The following LRMDA variants were observed in gnomAD, a reference collection of about 807,000 sequenced individuals.
LRMDA encodes leucine-rich melanocyte differentiation-associated protein.
A neutral mutation model predicts 29.8 loss-of-function variants in LRMDA; 18 were observed. The observed-to-expected ratio is 0.60, with a 90% CI of 0.42 to 0.90. The LOEUF (loss-of-function observed/expected upper bound fraction) is 0.90, where lower values mean the gene tolerates loss of function less well. LRMDA is among the 40% of genes least tolerant of loss of function. LRMDA has a pLI of 0.00. For missense variants in LRMDA, 273 were observed against 273.9 expected (o/e 1.00, Z 0.02); for synonymous variants, 125 against 109.4 (o/e 1.14, Z -0.89).
At chr10:75,577,616 A>AAATATTAAGGG (rs1384886676) in intron 2 of LRMDA, among the ~76,000 whole-genome samples, 1 of 152,194 alleles carries the variant, frequency 6.6e-6, no homozygotes, top group Admixed American at 6.5e-5. Context: ...ATGAAGGTAA[A>AAATATTAAGGG]AATATTAAGG....
At chr10:76,240,761 G>A (rs1232412596) in intron 5 of LRMDA, among the ~76,000 whole-genome samples, 1 of 117,398 alleles carries the variant, frequency 8.5e-6, no homozygotes, top group Non-Finnish European at 1.7e-5. Flanking sequence ...TAAAGAAAAT[G>A]TGAGATAGAT....
chr10:75,856,406 T>C (rs1174704489), intron 2 of LRMDA, among the ~76,000 whole-genome samples: 1 of 152,190 alleles, frequency 6.6e-6, no homozygotes, highest in Non-Finnish European at 1.5e-5. Context: ...CCAATATCCC[T>C]GATGAACATT....
At chr10:76,013,648 G>A (rs1338189353) in intron 2 of LRMDA, among the ~76,000 whole-genome samples, 1 of 152,010 alleles carries the variant, frequency 6.6e-6, no homozygotes, top group Non-Finnish European at 1.5e-5. Context: ...TTCCTTACAA[G>A]TCCAGTAGGG....
chr10:76,001,431 G>A (rs555987581), intron 2 of LRMDA, among the ~76,000 whole-genome samples: 13 of 152,072 alleles, frequency 8.5e-5, no homozygotes, highest in Non-Finnish European at 1.5e-4. Flanking sequence ...CATGATTTAT[G>A]AAGTTTCAAT....
intron 5 of LRMDA, among the ~76,000 whole-genome samples, chr10:76,301,937 G>C (rs2132362627): frequency 6.6e-6 from 1 of 152,236 alleles, no homozygotes; most frequent in Non-Finnish European, 1.5e-5. Flanking sequence ...TTTAGAATTT[G>C]TTTCCTTTGA....
intron 2 of LRMDA, among the ~76,000 whole-genome samples, chr10:75,976,189 A>G (rs577110804): frequency 6.6e-6 from 1 of 152,284 alleles, no homozygotes; most frequent in East Asian, 1.9e-4. Flanking sequence ...AACTCTCTCT[A>G]CTCTGTACAT....
Position 76,218,126 on chromosome 10 carries a change from G to A in LRMDA, c.517-106275G>A, listed in dbSNP as rs77677390. On this transcript the variant is annotated intron_variant, in intron 5 of 6. Transcript: ENST00000611255. ...GGAAGGCCTGGCGGGAGCATGGAAC[G>A]TGTGTATTTGGAGTGGAGTTGGCTA... 9.5e-3 allele frequency among the ~76,000 whole-genome samples: 1,443 copies of A among 152,342 alleles called. 26 individuals are homozygous for A. The highest frequency in any genetic ancestry group is 0.032 in the African/African-American group (1,312 of 41,578).
At chr10:75,673,743 G>A (rs2132146170) in intron 2 of LRMDA, among the ~76,000 whole-genome samples, 1 of 152,238 alleles carries the variant, frequency 6.6e-6, no homozygotes, top group South Asian at 2.1e-4. Context: ...TGCGACTAGG[G>A]GCTGAGACCT....
chr10:76,143,327 A>G (rs1165180683), intron 5 of LRMDA, among the ~76,000 whole-genome samples: 1 of 152,098 alleles, frequency 6.6e-6, no homozygotes, highest in African/African-American at 2.4e-5. Context: ...AAGTGTTCCT[A>G]TTTCTCCACA....
chr10:75,860,296 A>C (rs1290755752), intron 2 of LRMDA, among the ~76,000 whole-genome samples: 3 of 139,586 alleles, frequency 2.1e-5, no homozygotes, highest in African/African-American at 8.0e-5. Context: ...AAGCTAGATC[A>C]TTATGATGTT....
chr10:75,724,113 G>A (rs567824914), intron 2 of LRMDA, among the ~76,000 whole-genome samples: 8 of 152,216 alleles, frequency 5.3e-5, no homozygotes, highest in South Asian at 2.1e-4. Flanking sequence ...TCAGACTAGG[G>A]TACAGGACTT....
At position 75,900,617 on chromosome 10, in the gene LRMDA, C is replaced by T. The variant is rs149297993; in HGVS notation, c.132-135391C>T. Among the ~76,000 whole-genome samples the T allele has an allele frequency of 1.2e-3, 182 of 152,258 alleles. 1 individual carries two copies. The highest frequency in any genetic ancestry group is 3.4e-3 in the African/African-American group (143 of 41,560). The stretch of plus-strand genomic sequence containing the variant: ...GTGCAGTGCATTGCCCCCCAGCCCC[C>T]GCAGCATGCCCCTGGAGGGGTTAAT... On this transcript the variant is annotated intron_variant, in intron 2 of 6. Coordinates refer to ENST00000611255, the MANE Select transcript of LRMDA (RefSeq NM_001305581.2).
chr10:76,113,183 G>A (rs1416235565), intron 5 of LRMDA, among the ~76,000 whole-genome samples: 1 of 151,904 alleles, frequency 6.6e-6, no homozygotes, highest in Non-Finnish European at 1.5e-5. Flanking sequence ...AGTGTGGTGA[G>A]TTACTTGGAA....
chr10:76,119,157 A>G (rs561028122), intron 5 of LRMDA, among the ~76,000 whole-genome samples: 3 of 150,770 alleles, frequency 2.0e-5, no homozygotes, highest in African/African-American at 7.3e-5. Context: ...TGTGTTTGAC[A>G]TTTCTTGTAA....
At chr10:76,235,091 C>G (rs1852127250) in intron 5 of LRMDA, among the ~76,000 whole-genome samples, 1 of 152,174 alleles carries the variant, frequency 6.6e-6, no homozygotes, top group East Asian at 1.9e-4. Context: ...AAGTGTGCCT[C>G]TTTCTTTCAC....
intron 2 of LRMDA, among the ~76,000 whole-genome samples, chr10:75,561,114 A>G (rs950023318): frequency 2.0e-4 from 31 of 151,576 alleles, no homozygotes; most frequent in African/African-American, 7.5e-4. Flanking sequence ...GAATGGTACC[A>G]GTTCCTCCTT....
intron 6 of LRMDA, among the ~76,000 whole-genome samples, chr10:76,367,205 T>A (rs1439992629): frequency 6.6e-6 from 1 of 152,166 alleles, no homozygotes; most frequent in East Asian, 1.9e-4. Context: ...GATATCAATC[T>A]GTAGTTTTCT....
At chr10:76,434,321 TTTAC>T (rs1482378570) in intron 6 of LRMDA, among the ~76,000 whole-genome samples, 1 of 151,926 alleles carries the variant, frequency 6.6e-6, no homozygotes. Context: ...CTCTTTCTTA[TTTAC>T]TCTCTCTCTC....
At chr10:75,697,983 C>T (rs895830903) in intron 2 of LRMDA, among the ~76,000 whole-genome samples, 1 of 152,184 alleles carries the variant, frequency 6.6e-6, no homozygotes, top group African/African-American at 2.4e-5. Context: ...TAAATTAATA[C>T]ACTTCATCCT....
Sources: allele counts gnomAD v4.1 joint callset (sites outside exome capture counted in the v4.1 genomes callset), GRCh38; gene constraint gnomAD v4.1.1; transcripts MANE v1.5; gene names NCBI Gene and HGNC (gene_info 2026-07-23, HGNC 2026-07-21).